The following TLE4 variants were observed in gnomAD, a reference collection of about 807,000 sequenced individuals.
TLE4 encodes TLE family member 4, transcriptional corepressor.
A neutral mutation model predicts 92.8 loss-of-function variants in TLE4; 8 were observed. The observed-to-expected ratio is 0.09, with a 90% confidence interval of 0.05 to 0.16. TLE4 has a LOEUF of 0.16. Among genes scored for constraint, TLE4 ranks in the 10% least tolerant of loss-of-function variants. The pLI, the probability that TLE4 is intolerant of heterozygous loss-of-function variation, is 1.00. For synonymous variants in TLE4, 371 were observed against 374.1 expected (o/e 0.99, Z 0.10); for missense variants, 675 against 997.6 (o/e 0.68, Z 4.36).
chr9:79,675,181 T>C (rs536858162), intron 8 of TLE4, among the ~76,000 whole-genome samples: 53 of 152,358 alleles, frequency 3.5e-4, no homozygotes, highest in African/African-American at 1.2e-3. Flanking sequence ...GTTTTGGCTC[T>C]TGTTTCCTAT....
At chr9:79,573,420 G>A in intron 1 of TLE4, 1 of 1,194,894 alleles carries the variant, frequency 8.4e-7, no homozygotes, top group Non-Finnish European at 1.1e-6. Context: ...CCTGTCTTTG[G>A]CCGGGGAGGG....
At chr9:79,608,397 G>A (rs1403970213) in intron 4 of TLE4, among the ~76,000 whole-genome samples, 3 of 152,034 alleles carry the variant, frequency 2.0e-5, no homozygotes, top group Non-Finnish European at 4.4e-5. Flanking sequence ...TGCAGTCTTT[G>A]TTCTCTAGTG....
intron 6 of TLE4, among the ~76,000 whole-genome samples, chr9:79,629,970 G>A (rs1429512784): frequency 6.6e-6 from 1 of 152,092 alleles, no homozygotes. Flanking sequence ...AACAACTAGG[G>A]GTCAGTTTTT....
At chr9:79,710,014 T>C (rs926388264) in intron 14 of TLE4, among the ~76,000 whole-genome samples, 2 of 152,240 alleles carry the variant, frequency 1.3e-5, no homozygotes, top group African/African-American at 4.8e-5. Context: ...TGTGCAAACC[T>C]GAATGTTCAA....
At chr9:79,595,849 C>CTT (rs746656900) in intron 4 of TLE4, among the ~76,000 whole-genome samples, 4 of 138,594 alleles carry the variant, frequency 2.9e-5, no homozygotes, top group East Asian at 2.1e-4. Flanking sequence ...TTGCCATCTA[C>CTT]TTTTTTTTTT....
intron 4 of TLE4, among the ~76,000 whole-genome samples, chr9:79,599,652 A>G (rs1422653911): frequency 6.6e-6 from 1 of 152,268 alleles, no homozygotes; most frequent in Non-Finnish European, 1.5e-5. Flanking sequence ...GATACCCAAC[A>G]GTAAAGAAAA....
chr9:79,632,456 C>T (rs1006059648), intron 6 of TLE4, among the ~76,000 whole-genome samples: 2 of 152,104 alleles, frequency 1.3e-5, no homozygotes, highest in Non-Finnish European at 2.9e-5. Flanking sequence ...GCAGCCAAGC[C>T]CTCTCCCTCC....
In TLE4 at chr9:79,705,908, G is replaced by C; in HGVS notation, c.749G>C (p.Ser250Thr). The C allele has an allele frequency of 1.2e-6, 2 of 1,614,224 alleles. No homozygotes were observed. Among genetic ancestry groups the C allele is most frequent in the Admixed American group, 3.3e-5 (2 of 60,030 alleles). The change falls in exon 10 of 20, where the codon AGT becomes ACT. Residue 250 changes from serine to threonine, a missense_variant. This residue lies in a region of TLE4 where 280 missense variants were observed against 287.3 expected (regional missense o/e 0.97). Transcript: ENST00000376552. Reference sequence around the variant, plus strand: ...ATGCAGGACAGCGATGGTGAGAAAAGTGATGACAACTTGGTGGTTGACGTT... The same window carrying C: ...ATGCAGGACAGCGATGGTGAGAAAACTGATGACAACTTGGTGGTTGACGTT... ...AARYDSDGEK[S>T]DDNLVVDVSN...
Position 79,708,165 on chromosome 9 carries a change from A to G in TLE4, c.984A>G (p.Pro328=), listed in dbSNP as rs765989866. 1 of 1,614,064 alleles carries G rather than the reference A, an allele frequency of 6.2e-7. No homozygotes were observed. Among genetic ancestry groups the G allele is most frequent in the Non-Finnish European group, 8.5e-7 (1 of 1,179,970 alleles). Residue 328 remains proline (P), a synonymous_variant, in exon 12 of 20, where the codon CCA becomes CCG. Transcript: ENST00000376552. The part of the protein sequence containing the change: ...TPVSKSNTPT[P]RTDAPTPGSN... ...TCTCAAAGTCCAATACCCCTACTCC[A>G]CGAACTGATGCGCCCACCCCAGGCA... is the stretch of plus-strand genomic sequence containing the variant.
At chr9:79,626,514 G>A (rs544397902) in intron 5 of TLE4, among the ~76,000 whole-genome samples, 1 of 152,292 alleles carries the variant, frequency 6.6e-6, no homozygotes, top group South Asian at 2.1e-4. Context: ...GTGGTCAAAT[G>A]TTTTAATGGG....
At chr9:79,703,457 T>A (rs1338615231) in intron 8 of TLE4, among the ~76,000 whole-genome samples, 4 of 152,238 alleles carry the variant, frequency 2.6e-5, no homozygotes, top group Non-Finnish European at 4.4e-5. Context: ...TTAAGATTGT[T>A]CCAGTTTTCA....
chr9:79,630,799 T>G (rs1020381082), intron 6 of TLE4, among the ~76,000 whole-genome samples: 6 of 152,176 alleles, frequency 3.9e-5, no homozygotes, highest in African/African-American at 1.4e-4. Context: ...GTGAATGTGG[T>G]TATGCTTAAT....
intron 16 of TLE4, among the ~76,000 whole-genome samples, 200 bp downstream of exon 16, chr9:79,720,493 TATC>T (rs1049063509): frequency 6.6e-6 from 1 of 151,646 alleles, no homozygotes; most frequent in Non-Finnish European, 1.5e-5. Context: ...AAAAATAAAT[TATC>T]AGTGTGAAAA....
chr9:79,671,635 C>T lies in TLE4; in HGVS notation c.609+17560C>T, dbSNP rs1179064614. On this transcript the variant is annotated intron_variant, in intron 8 of 19. Transcript: ENST00000376552. ...TAAGGTTGGCTGTTTGGGGAAAGAA[C>T]ACACATCCCTGCACTATAATACTGA... The T allele has an allele frequency of 3.4e-5, 7 of 205,548 alleles. No individual in the cohort carries two copies. The East Asian group carries it at 5.6e-4, about 17-fold the overall frequency. 12.7% of individuals were successfully genotyped at this position (205,548 alleles called of 1,614,324 possible).
chr9:79,663,964 G>A (rs993022849), intron 8 of TLE4, among the ~76,000 whole-genome samples: 3 of 152,176 alleles, frequency 2.0e-5, no homozygotes, highest in East Asian at 1.9e-4. Flanking sequence ...AATAAAGCGC[G>A]CACTGGTGGT....
intron 11 of TLE4, chr9:79,707,273 C>A: frequency 1.4e-6 from 2 of 1,420,360 alleles, no homozygotes; most frequent in Non-Finnish European, 2.0e-6. Flanking sequence ...GTTTGAATTA[C>A]CAAGCTACAT....
At chr9:79,718,353 A>G (rs561032018) in intron 14 of TLE4, among the ~76,000 whole-genome samples, 48 of 152,308 alleles carry the variant, frequency 3.2e-4, no homozygotes, top group East Asian at 1.9e-3. Flanking sequence ...GGAGAAGGCA[A>G]TGCAGGTTTA....
intron 8 of TLE4, among the ~76,000 whole-genome samples, chr9:79,679,809 G>A (rs1422870276): frequency 7.2e-5 from 11 of 152,000 alleles, no homozygotes. Flanking sequence ...TGTAAGGAAG[G>A]GATCCAGTTT....
chr9:79,679,814 C>G (rs2064101747), intron 8 of TLE4, among the ~76,000 whole-genome samples: 1 of 152,024 alleles, frequency 6.6e-6, no homozygotes, highest in African/African-American at 2.4e-5. Context: ...GGAAGGGATC[C>G]AGTTTCAGCT....
Sources: allele counts gnomAD v4.1 joint callset (sites outside exome capture counted in the v4.1 genomes callset), GRCh38; gene constraint gnomAD v4.1.1; regional missense constraint gnomAD v4.1.1; transcripts MANE v1.5; gene names NCBI Gene and HGNC (gene_info 2026-07-23, HGNC 2026-07-21).